Variants in ANKFN1 observed in about 807,000 individuals in gnomAD.
ANKFN1 encodes ankyrin repeat and fibronectin type-III domain-containing protein 1.
In ANKFN1, 74 loss-of-function variants were observed where a neutral mutation model predicts 108.7. The ratio of observed to expected loss-of-function variants is 0.68; its 90% CI spans 0.56 to 0.83. The LOEUF is 0.83. Ranked by LOEUF, ANKFN1 falls within the 40% of genes least tolerant of loss-of-function variation. The pLI is 0.00. For synonymous variants in ANKFN1, 547 were observed against 516.2 expected (o/e 1.06, Z -0.81); for missense variants, 1,505 against 1,382.3 (o/e 1.09, Z -1.41).
At chr17:56,290,630 G>C (rs550043141) in intron 3 of ANKFN1, among the ~76,000 whole-genome samples, 2 of 152,244 alleles carry the variant, frequency 1.3e-5, no homozygotes, top group East Asian at 3.9e-4. Context: ...TAAGAGCCCA[G>C]TGAAGAGTTG....
intron 8 of ANKFN1, among the ~76,000 whole-genome samples, chr17:56,413,010 T>C (rs2048140757): frequency 6.6e-6 from 1 of 152,204 alleles, no homozygotes; most frequent in Non-Finnish European, 1.5e-5. Flanking sequence ...GTTTCTATAG[T>C]GTCTTGTTTA....
chr17:56,435,476 G>C (rs543259618), intron 8 of ANKFN1, among the ~76,000 whole-genome samples: 4 of 152,284 alleles, frequency 2.6e-5, no homozygotes, highest in Non-Finnish European at 5.9e-5. Flanking sequence ...AAAAGGAAAG[G>C]ACTTTGAACC....
chr17:56,347,652 C>T (rs1464458776), intron 4 of ANKFN1, among the ~76,000 whole-genome samples: 1 of 151,490 alleles, frequency 6.6e-6, no homozygotes, highest in Non-Finnish European at 1.5e-5. Flanking sequence ...TCTTATCTGA[C>T]AAAATTTTAA....
chr17:56,224,329 A>C (rs568921549), intron 2 of ANKFN1, among the ~76,000 whole-genome samples: 1 of 152,250 alleles, frequency 6.6e-6, no homozygotes, highest in Admixed American at 6.5e-5. Flanking sequence ...CTACCATAGC[A>C]TTAAGTAAGT....
chr17:56,467,373 C>T (rs1385032192), intron 15 of ANKFN1, among the ~76,000 whole-genome samples: 2 of 151,898 alleles, frequency 1.3e-5, no homozygotes, highest in Non-Finnish European at 2.9e-5. Context: ...ATGATTAAGT[C>T]CATTTTAGGA....
intron 8 of ANKFN1, among the ~76,000 whole-genome samples, chr17:56,386,493 AG>A (rs1421832380): frequency 6.6e-6 from 1 of 151,838 alleles, no homozygotes; most frequent in Admixed American, 6.6e-5. Context: ...AAAATAAAAA[AG>A]AAAAAAAAGA....
chr17:56,213,561 C>A (rs551875455), intron 2 of ANKFN1, among the ~76,000 whole-genome samples: 197 of 152,062 alleles, frequency 1.3e-3, no homozygotes, highest in Non-Finnish European at 2.4e-3. Context: ...AGAAACATTT[C>A]TCCCTCTTAT....
At chr17:56,082,273 T>G (rs1905255623) in intron 4 of ANKFN1, among the ~76,000 whole-genome samples, 1 of 138,562 alleles carries the variant, frequency 7.2e-6, no homozygotes, top group African/African-American at 2.6e-5. Flanking sequence ...TTGTTGTTGT[T>G]GTTGTTTTGT....
chr17:56,058,955 T>C (rs1904926591), intron 4 of ANKFN1, among the ~76,000 whole-genome samples: 4 of 152,184 alleles, frequency 2.6e-5, no homozygotes, highest in Non-Finnish European at 5.9e-5. Context: ...AACCAAGTAA[T>C]GGGATTGCTG....
chr17:56,440,629 G>A (rs933960387), intron 9 of ANKFN1, among the ~76,000 whole-genome samples: 81 of 152,200 alleles, frequency 5.3e-4, no homozygotes, highest in South Asian at 2.1e-4. Flanking sequence ...ATAAACTGTC[G>A]TGTTCTAAGG....
intron 4 of ANKFN1, among the ~76,000 whole-genome samples, chr17:56,141,664 A>G (rs955453164): frequency 6.6e-6 from 1 of 152,004 alleles, no homozygotes; most frequent in South Asian, 2.1e-4. Context: ...AAAACTCATC[A>G]GGGTGTGTGT....
At chr17:56,187,292 T>C (rs567358691) in intron 1 of ANKFN1, among the ~76,000 whole-genome samples, 1 of 152,206 alleles carries the variant, frequency 6.6e-6, no homozygotes, top group South Asian at 2.1e-4. Flanking sequence ...AACAGACACT[T>C]CTCAAAAGAA....
chr17:56,393,326 C>G (rs1156674495), intron 8 of ANKFN1, among the ~76,000 whole-genome samples: 4 of 152,174 alleles, frequency 2.6e-5, no homozygotes, highest in Non-Finnish European at 5.9e-5. Flanking sequence ...CCAATAAACC[C>G]TTAGTCATCC....
chr17:56,381,968 C>T (rs1188199934), intron 8 of ANKFN1, among the ~76,000 whole-genome samples: 2 of 151,844 alleles, frequency 1.3e-5, no homozygotes, highest in African/African-American at 2.4e-5. Context: ...AAGAGCAACT[C>T]CAAGACACAT....
intron 1 of ANKFN1, among the ~76,000 whole-genome samples, chr17:56,163,147 G>T (rs1461653148): frequency 5.3e-5 from 8 of 152,008 alleles, no homozygotes; most frequent in South Asian, 4.1e-4. Context: ...AGATAAACAG[G>T]TTTTTCTCCC....
intron 3 of ANKFN1, among the ~76,000 whole-genome samples, chr17:56,263,383 G>A (rs948476671): frequency 6.6e-6 from 1 of 152,154 alleles, no homozygotes; most frequent in African/African-American, 2.4e-5. Context: ...TGAAACTGGG[G>A]TTTAATGTAT....
chr17:56,062,419 A>G (rs993744701), intron 4 of ANKFN1, among the ~76,000 whole-genome samples: 2 of 152,140 alleles, frequency 1.3e-5, no homozygotes, highest in Non-Finnish European at 2.9e-5. Context: ...GTGCTCCTGT[A>G]TTAGGTGCAT....
At chr17:56,188,380 G>T (rs1340143191) in intron 1 of ANKFN1, among the ~76,000 whole-genome samples, 1 of 151,116 alleles carries the variant, frequency 6.6e-6, no homozygotes, top group Non-Finnish European at 1.5e-5. Flanking sequence ...TCCTTCTAGG[G>T]GGTTTAAAAG....
chr17:56,049,274 C>G (rs4794616), intron 4 of ANKFN1, among the ~76,000 whole-genome samples: 124,407 of 152,228 alleles, frequency 0.82, 51,431 homozygotes, highest in African/African-American at 0.93. Context: ...GCCAAGAATG[C>G]CCAGTGGCAA....
Sources: gnomAD v4.1 joint callset for allele counts (sites outside exome capture counted in the v4.1 genomes callset) on GRCh38, gnomAD v4.1.1 for gene constraint, MANE v1.5 for transcripts, NCBI Gene and HGNC (gene_info 2026-07-23, HGNC 2026-07-21) for gene names.